Variants in COL23A1 observed in about 807,000 individuals in gnomAD.
COL23A1 encodes collagen alpha-1(XXIII) chain.
COL23A1 carries 97 observed loss-of-function variants against 99.3 expected under a neutral mutation model. The observed-to-expected ratio is 0.98, with a 90% CI of 0.83 to 1.16. The LOEUF is 1.16. COL23A1 is among the 50% of genes most tolerant of loss of function. The pLI, the probability that COL23A1 is intolerant of heterozygous loss-of-function variation, is 0.00. For missense variants in COL23A1, 762 were observed against 757.4 expected, an observed-to-expected ratio of 1.01 and a Z score of -0.07; for synonymous variants, 320 against 308.2, an observed-to-expected ratio of 1.04 and a Z score of -0.40.
chr5:178,453,146 A>G (rs2127871927), intron 2 of COL23A1, among the ~76,000 whole-genome samples: 1 of 152,342 alleles, frequency 6.6e-6, no homozygotes, highest in South Asian at 2.1e-4. Flanking sequence ...AGTGAAAGAA[A>G]CAAGGTGCAG....
intron 2 of COL23A1, among the ~76,000 whole-genome samples, chr5:178,502,073 C>T (rs1477467747): frequency 6.6e-6 from 1 of 152,258 alleles, no homozygotes; most frequent in Non-Finnish European, 1.5e-5. Context: ...TCTTAAGCTG[C>T]TTCCATGATC....
chr5:178,432,161 A>G (rs1039790020), intron 2 of COL23A1, among the ~76,000 whole-genome samples: 24 of 152,226 alleles, frequency 1.6e-4, no homozygotes, highest in Admixed American at 1.4e-3. Context: ...GCATTCTTCA[A>G]GGTAACTTAT....
intron 2 of COL23A1, among the ~76,000 whole-genome samples, chr5:178,445,563 G>C (rs1367442925): frequency 2.0e-5 from 3 of 152,110 alleles, no homozygotes; most frequent in Non-Finnish European, 4.4e-5. Flanking sequence ...GAAAAGAGTT[G>C]ACATCTAAAG....
intron 2 of COL23A1, among the ~76,000 whole-genome samples, chr5:178,462,927 G>A (rs941161869): frequency 2.0e-5 from 3 of 152,248 alleles, no homozygotes; most frequent in African/African-American, 4.8e-5. Flanking sequence ...ACGAGGAGGA[G>A]AGAAACAGGA....
chr5:178,269,454 C>A (rs1240561380), intron 6 of COL23A1, among the ~76,000 whole-genome samples: 2 of 76,658 alleles, frequency 2.6e-5, no homozygotes, highest in East Asian at 4.7e-4. Flanking sequence ...CACCCATCCA[C>A]CCATCCATCC....
intron 10 of COL23A1, among the ~76,000 whole-genome samples, 153 bp from the exon 11 acceptor site, chr5:178,261,901 G>C (rs1464029130): frequency 6.6e-6 from 1 of 152,212 alleles, no homozygotes; most frequent in Admixed American, 6.5e-5. Flanking sequence ...TGCCCACCCT[G>C]GGCCTGACTC....
intron 2 of COL23A1, among the ~76,000 whole-genome samples, chr5:178,388,823 G>C (rs1299783282): frequency 6.6e-6 from 1 of 152,224 alleles, no homozygotes. Flanking sequence ...ACAAAGCCCT[G>C]AGTAACCAGT....
At chr5:178,560,483 G>A (rs1762500289) in intron 2 of COL23A1, among the ~76,000 whole-genome samples, 199 bp downstream of exon 2, 1 of 152,096 alleles carries the variant, frequency 6.6e-6, no homozygotes, top group Admixed American at 6.6e-5. Context: ...ATACCACCCA[G>A]CAAACCGAGT....
rs1179406345 is a variant in COL23A1 at position 178,556,085 on chromosome 5, C to T, written c.361+4597G>A. On this transcript the variant is annotated intron_variant, in intron 2 of 28. Transcript: ENST00000390654. ...CAGCCCTGTCTGAATAACACAGGGT[C>T]GGAAATGACCCAAACGTCCTTGGCG... Among the ~76,000 whole-genome samples the T allele has an allele frequency of 2.0e-5, 3 of 152,264 alleles. No individual in the cohort carries two copies. The South Asian group carries it at 6.2e-4, about 32-fold the overall frequency.
At chr5:178,361,440 T>C (rs1762169183) in intron 2 of COL23A1, among the ~76,000 whole-genome samples, 1 of 152,132 alleles carries the variant, frequency 6.6e-6, no homozygotes, top group South Asian at 2.1e-4. Context: ...TGGGCACATG[T>C]GGCCTGAGGA....
Position 178,281,913 on chromosome 5 carries a change from G to A in COL23A1, c.441+6411C>T, listed in dbSNP as rs1023540387. Among the ~76,000 whole-genome samples the A allele has an allele frequency of 6.6e-5, 10 of 151,924 alleles. No homozygotes were observed. Among genetic ancestry groups the A allele is most frequent in the Middle Eastern group, 3.4e-3 (1 of 294 alleles). ...AAAAACACAAAAAAATCAGCCAGGC[G>A]TGGTGGTGCGTACCTGTAATCCTAG... is the stretch of plus-strand genomic sequence containing the variant. On this transcript the variant is annotated intron_variant, in intron 5 of 28. Coordinates refer to ENST00000390654, the MANE Select transcript of COL23A1 (RefSeq NM_173465.4). The surrounding 1 kb of genome is among the most constrained non-coding windows in gnomAD (Gnocchi z 4.0).
intron 2 of COL23A1, among the ~76,000 whole-genome samples, chr5:178,476,412 G>A (rs1053019035): frequency 1.3e-5 from 2 of 152,208 alleles, no homozygotes; most frequent in Non-Finnish European, 2.9e-5. Context: ...CTGGATTTGT[G>A]TGCCTCTTCT....
At chr5:178,287,799 C>T (rs544275272) in intron 5 of COL23A1, among the ~76,000 whole-genome samples, 54 of 152,358 alleles carry the variant, frequency 3.5e-4, no homozygotes, top group Non-Finnish European at 5.7e-4. Flanking sequence ...GGCACAGCCA[C>T]GCTGCGTCTT....
intron 2 of COL23A1, among the ~76,000 whole-genome samples, chr5:178,328,892 G>C (rs1279558654): frequency 6.6e-6 from 1 of 152,180 alleles, no homozygotes; most frequent in Non-Finnish European, 1.5e-5. Flanking sequence ...GAGAGGTCAG[G>C]AAAGGAAACA....
At chr5:178,485,083 T>C (rs1757545360) in intron 2 of COL23A1, among the ~76,000 whole-genome samples, 1 of 152,196 alleles carries the variant, frequency 6.6e-6, no homozygotes, top group Non-Finnish European at 1.5e-5. Context: ...AAAAATGTAC[T>C]CCAAAAATTC....
rs577481639 is a variant in COL23A1 at position 178,475,557 on chromosome 5, T to C, written c.361+85125A>G. On this transcript the variant is annotated intron_variant, in intron 2 of 28. Coordinates refer to ENST00000390654, the MANE Select transcript of COL23A1 (RefSeq NM_173465.4). ...GTAATTTGTTTGCGGCAATATAAAA[T>C]GTATGCGATTACCCAATAGTGGCCT... is the stretch of plus-strand genomic sequence containing the variant. Among the ~76,000 whole-genome samples the C allele has an allele frequency of 9.2e-5, 14 of 152,354 alleles. 1 individual carries two copies. The South Asian group carries it at 2.9e-3, about 32-fold the overall frequency.
intron 5 of COL23A1, among the ~76,000 whole-genome samples, chr5:178,278,218 C>T (rs956742655): frequency 4.6e-5 from 7 of 152,222 alleles, no homozygotes; most frequent in Non-Finnish European, 7.4e-5. Context: ...TCTGCCTCGC[C>T]CTGTGGCCCC....
At chr5:178,347,875 G>C (rs1218605453) in intron 2 of COL23A1, among the ~76,000 whole-genome samples, 13 of 95,064 alleles carry the variant, frequency 1.4e-4, no homozygotes, top group Non-Finnish European at 2.3e-4. Context: ...GCAAGACTCT[G>C]TCTCAAAAAA....
chr5:178,350,204 C>T (rs1486767534), intron 2 of COL23A1, among the ~76,000 whole-genome samples: 6 of 152,224 alleles, frequency 3.9e-5, no homozygotes, highest in Admixed American at 2.0e-4. Context: ...TCCTCCAGGA[C>T]GCCCACCTGG....
Sources: gnomAD v4.1 joint callset for allele counts (sites outside exome capture counted in the v4.1 genomes callset) on GRCh38, gnomAD v4.1.1 for gene constraint, Gnocchi (gnomAD v3.1) non-coding constraint, MANE v1.5 for transcripts, NCBI Gene and HGNC (gene_info 2026-07-23, HGNC 2026-07-21) for gene names.